CNTNAP2: variants seen among roughly 807,000 people sequenced by gnomAD.
CNTNAP2 encodes the protein contactin-associated protein-like 2.
In CNTNAP2, 98 loss-of-function variants were observed where a neutral mutation model predicts 155.2. The observed-to-expected ratio is 0.63, with a 90% CI of 0.54 to 0.75. The LOEUF (loss-of-function observed/expected upper bound fraction) is 0.75, where lower values mean the gene tolerates loss of function less well. CNTNAP2 is among the 30% of genes least tolerant of loss of function. CNTNAP2 has a pLI of 0.00. For missense variants in CNTNAP2, 1,727 were observed against 1,688.1 expected, an observed-to-expected ratio of 1.02 and a Z score of -0.40; for synonymous variants, 651 against 631.2, an observed-to-expected ratio of 1.03 and a Z score of -0.47.
At chr7:147,976,483 A>T (rs1165473040) in intron 14 of CNTNAP2, among the ~76,000 whole-genome samples, 2 of 152,236 alleles carry the variant, frequency 1.3e-5, no homozygotes, top group Non-Finnish European at 1.5e-5. Context: ...TGTCAATAAG[A>T]ATCACAGTAC....
At chr7:146,459,941 G>A (rs547063544) in intron 1 of CNTNAP2, among the ~76,000 whole-genome samples, 1 of 152,136 alleles carries the variant, frequency 6.6e-6, no homozygotes. Context: ...TTGCACTCCA[G>A]GCTGGGTGAC....
rs1554437512 is a variant in CNTNAP2, at chr7:147,807,991, A to AAAAT, written c.2099-95571_2099-95570insTAAA. On this transcript the variant is annotated intron_variant, in intron 13 of 23. Coordinates refer to ENST00000361727, the MANE Select transcript of CNTNAP2 (RefSeq NM_014141.6). ...GATATGTTCACTTTCTTTTTTAAAA[A>AAAAT]AAAAAAATAAAAAGTAGTTTGAGAC... is the stretch of plus-strand genomic sequence containing the variant. Among the ~76,000 whole-genome samples, 756 of 152,162 alleles carry AAAAT rather than the reference A, an allele frequency of 5.0e-3. 1 individual carries two copies. Among genetic ancestry groups the AAAAT allele is most frequent in the Middle Eastern group, 0.037 (11 of 294 alleles).
At chr7:147,580,551 A>G (rs1417534406) in intron 12 of CNTNAP2, among the ~76,000 whole-genome samples, 5 of 98,826 alleles carry the variant, frequency 5.1e-5, no homozygotes, top group Non-Finnish European at 1.0e-4. Flanking sequence ...ATTTCCTGAA[A>G]ACACCTTGTA....
At chr7:147,674,345 T>A (rs146181399) in intron 13 of CNTNAP2, among the ~76,000 whole-genome samples, 2,502 of 152,268 alleles carry the variant, frequency 0.016, 221 homozygotes, top group Admixed American at 0.15. Flanking sequence ...TTAGTTGTTG[T>A]TTTGTTTGGG....
At chr7:146,839,588 A>G in intron 2 of CNTNAP2, 123 bp from the exon 3 acceptor site, 1 of 983,486 alleles carries the variant, frequency 1.0e-6, no homozygotes, top group East Asian at 2.6e-5. Flanking sequence ...AGGATATTTC[A>G]TAATATATCT....
At chr7:147,041,639 C>T (rs1298510405) in intron 3 of CNTNAP2, among the ~76,000 whole-genome samples, 1 of 152,174 alleles carries the variant, frequency 6.6e-6, no homozygotes, top group East Asian at 1.9e-4. Flanking sequence ...ACGTAATGCA[C>T]TTCCATAGTT....
chr7:146,518,746 T>C (rs976644340), intron 1 of CNTNAP2, among the ~76,000 whole-genome samples: 2 of 151,898 alleles, frequency 1.3e-5, no homozygotes, highest in African/African-American at 4.8e-5. Flanking sequence ...CCAACTCATA[T>C]GCTTGTTAGG....
At chr7:146,994,462 C>T (rs970283833) in intron 3 of CNTNAP2, among the ~76,000 whole-genome samples, 29 of 152,120 alleles carry the variant, frequency 1.9e-4, no homozygotes, top group African/African-American at 6.0e-4. Context: ...AGCAATTTTT[C>T]GAGCTATATA....
At chr7:147,240,297 C>G (rs1803907198) in intron 8 of CNTNAP2, among the ~76,000 whole-genome samples, 1 of 152,132 alleles carries the variant, frequency 6.6e-6, no homozygotes, top group African/African-American at 2.4e-5. Flanking sequence ...CGCACTCCAG[C>G]TTGGGTGATA....
intron 1 of CNTNAP2, among the ~76,000 whole-genome samples, chr7:146,187,740 A>G (rs1047187653): frequency 3.9e-5 from 6 of 152,074 alleles, no homozygotes; most frequent in Non-Finnish European, 8.8e-5. Context: ...AAGAAATTCA[A>G]CCAACAACAC....
At chr7:146,140,511 AT>A (rs1797861670) in intron 1 of CNTNAP2, among the ~76,000 whole-genome samples, 1 of 152,136 alleles carries the variant, frequency 6.6e-6, no homozygotes, top group South Asian at 2.1e-4. Flanking sequence ...CATTTAAAAT[AT>A]ATTCTCATAT....
At chr7:146,204,240 A>G (rs1265404124) in intron 1 of CNTNAP2, among the ~76,000 whole-genome samples, 2 of 152,166 alleles carry the variant, frequency 1.3e-5, no homozygotes, top group Non-Finnish European at 2.9e-5. Context: ...TTGGAAATTA[A>G]ATATCAGTCC....
intron 1 of CNTNAP2, among the ~76,000 whole-genome samples, chr7:146,531,286 A>C (rs801941): frequency 0.45 from 67,947 of 151,822 alleles, 17,236 homozygotes; most frequent in African/African-American, 0.7. Context: ...TTATTACCTG[A>C]TTGACAAAAT....
intron 3 of CNTNAP2, among the ~76,000 whole-genome samples, chr7:146,928,464 G>A (rs1796658561): frequency 6.6e-6 from 1 of 152,250 alleles, no homozygotes; most frequent in East Asian, 1.9e-4. Flanking sequence ...AGCCAAGATG[G>A]CCAAATAGGA....
At chr7:147,873,810 A>G (rs1326825348) in intron 13 of CNTNAP2, among the ~76,000 whole-genome samples, 2 of 152,178 alleles carry the variant, frequency 1.3e-5, no homozygotes, top group Non-Finnish European at 2.9e-5. Context: ...AGCCTGTAAA[A>G]TCAAAAGCAA....
chr7:146,857,064 T>C (rs1396360279), intron 3 of CNTNAP2, among the ~76,000 whole-genome samples: 2 of 152,154 alleles, frequency 1.3e-5, no homozygotes, highest in South Asian at 4.1e-4. Flanking sequence ...TTTCCTGAAA[T>C]TGATAACTAT....
chr7:148,380,824 G>A lies in CNTNAP2; in HGVS notation c.3476-2825G>A, dbSNP rs562756074. On this transcript the variant is annotated intron_variant, in intron 21 of 23. Transcript: ENST00000361727. ...CCATCATGTACTGCCCTTGGTCTGT[G>A]CTCTAATATTGAAGCAGGATGCTTC... Among the ~76,000 whole-genome samples the A allele has an allele frequency of 2.0e-5, 3 of 152,270 alleles. No homozygotes were observed. In the South Asian group the frequency reaches 6.2e-4, roughly 32 times the overall value.
chr7:147,213,034 C>T (rs1030523584), intron 8 of CNTNAP2, among the ~76,000 whole-genome samples: 3 of 152,076 alleles, frequency 2.0e-5, no homozygotes, highest in Non-Finnish European at 2.9e-5. Flanking sequence ...GATATATATA[C>T]ACACACACTC....
chr7:146,457,418 A>G (rs893080361), intron 1 of CNTNAP2, among the ~76,000 whole-genome samples: 1 of 142,322 alleles, frequency 7.0e-6, no homozygotes, highest in East Asian at 2.1e-4. Context: ...ATGATTATAT[A>G]TTCATTTTTG....
Sources: gnomAD v4.1 joint callset for allele counts (sites outside exome capture counted in the v4.1 genomes callset) on GRCh38, gnomAD v4.1.1 for gene constraint, MANE v1.5 for transcripts, NCBI Gene and HGNC (gene_info 2026-07-23, HGNC 2026-07-21) for gene names.